ZNF804B: variants seen among roughly 807,000 people sequenced by gnomAD.
The protein encoded by ZNF804B is zinc finger 804B.
A neutral mutation model predicts 101.4 loss-of-function variants in ZNF804B; 80 were observed. The ratio of observed to expected loss-of-function variants is 0.79; its 90% CI spans 0.66 to 0.95. ZNF804B has a LOEUF of 0.95. ZNF804B is among the 40% of genes least tolerant of loss of function. ZNF804B has a pLI of 0.00. For missense variants in ZNF804B, 1,673 were observed against 1,561.9 expected, an observed-to-expected ratio of 1.07 and a Z score of -1.20; for synonymous variants, 622 against 558.8, an observed-to-expected ratio of 1.11 and a Z score of -1.59.
At chr7:89,162,743 C>T (rs1028173480) in intron 1 of ZNF804B, among the ~76,000 whole-genome samples, 11 of 149,792 alleles carry the variant, frequency 7.3e-5, no homozygotes, top group South Asian at 4.3e-4. Flanking sequence ...CATGCTGGTG[C>T]GCTGCACCCA....
chr7:89,244,420 C>T (rs568531140), intron 2 of ZNF804B, among the ~76,000 whole-genome samples: 14 of 152,108 alleles, frequency 9.2e-5, no homozygotes, highest in Non-Finnish European at 2.1e-4. Context: ...TGAAAAATCA[C>T]ATAAACACTT....
At chr7:88,789,605 A>G (rs902236289) in intron 1 of ZNF804B, among the ~76,000 whole-genome samples, 1 of 152,122 alleles carries the variant, frequency 6.6e-6, no homozygotes, top group African/African-American at 2.4e-5. Flanking sequence ...TTTACTACAT[A>G]CATCCTGTCC....
chr7:89,067,359 C>T (rs1304404548), intron 1 of ZNF804B, among the ~76,000 whole-genome samples: 2 of 152,164 alleles, frequency 1.3e-5, no homozygotes, highest in Admixed American at 6.5e-5. Flanking sequence ...TAGGCCCATC[C>T]AGGATAATCT....
rs149578394 is a variant in ZNF804B at position 88,953,689 on chromosome 7, A to G, written c.108+193605A>G. On this transcript the variant is annotated intron_variant, in intron 1 of 3. Transcript: ENST00000333190. ...TGAATGTGATTATTAGATAAGTTCC[A>G]GATCATAGAATCTTAAGATTCTTCT... Among the ~76,000 whole-genome samples the G allele has an allele frequency of 9.3e-4, 142 of 151,890 alleles. 1 individual carries two copies. Among genetic ancestry groups the G allele is most frequent in the African/African-American group, 3.0e-3 (126 of 41,520 alleles).
intron 1 of ZNF804B, among the ~76,000 whole-genome samples, chr7:88,841,191 G>A (rs554222500): frequency 9.5e-4 from 144 of 152,282 alleles, no homozygotes; most frequent in East Asian, 1.5e-3. Context: ...TAATAGGAAT[G>A]TCATTGTTTA....
At chr7:88,793,870 C>T (rs533850909) in intron 1 of ZNF804B, among the ~76,000 whole-genome samples, 29 of 151,948 alleles carry the variant, frequency 1.9e-4, no homozygotes, top group African/African-American at 5.8e-4. Context: ...ATCTGAATTC[C>T]GTTTGTCTTT....
intron 1 of ZNF804B, among the ~76,000 whole-genome samples, chr7:89,040,176 CTTTA>C (rs1369809342): frequency 6.6e-6 from 1 of 151,584 alleles, no homozygotes; most frequent in East Asian, 1.9e-4. Context: ...CTTTTTTATC[CTTTA>C]TTTCTTTTTC....
At chr7:88,807,696 A>G (rs1286655755) in intron 1 of ZNF804B, among the ~76,000 whole-genome samples, 1 of 152,166 alleles carries the variant, frequency 6.6e-6, no homozygotes. Flanking sequence ...TATACAATAC[A>G]AAAGGTCTCA....
intron 1 of ZNF804B, among the ~76,000 whole-genome samples, chr7:88,901,176 A>G (rs1363393881): frequency 6.6e-6 from 1 of 151,840 alleles, no homozygotes; most frequent in African/African-American, 2.4e-5. Context: ...TAAAATTATA[A>G]CTTAACAGTT....
intron 2 of ZNF804B, among the ~76,000 whole-genome samples, chr7:89,270,997 T>A (rs1014381670): frequency 6.6e-6 from 1 of 152,322 alleles, no homozygotes; most frequent in East Asian, 1.9e-4. Context: ...AGATATACAA[T>A]CATGTCATCT....
At chr7:89,260,359 A>T (rs1789693084) in intron 2 of ZNF804B, among the ~76,000 whole-genome samples, 1 of 150,986 alleles carries the variant, frequency 6.6e-6, no homozygotes, top group Non-Finnish European at 1.5e-5. Flanking sequence ...TTTTTTTTTG[A>T]ATAAGGTACT....
intron 2 of ZNF804B, among the ~76,000 whole-genome samples, chr7:89,231,824 A>G (rs1789196667): frequency 6.6e-6 from 1 of 152,040 alleles, no homozygotes; most frequent in South Asian, 2.1e-4. Context: ...TAGTTCTAGC[A>G]TCTTTTTTGT....
chr7:89,085,403 A>G (rs1392280774), intron 1 of ZNF804B, among the ~76,000 whole-genome samples: 2 of 151,928 alleles, frequency 1.3e-5, no homozygotes, highest in African/African-American at 4.8e-5. Context: ...TCCATAAGTA[A>G]GCCTGTTTTA....
intron 1 of ZNF804B, among the ~76,000 whole-genome samples, chr7:88,970,407 T>A (rs1793516018): frequency 6.7e-6 from 1 of 149,928 alleles, no homozygotes; most frequent in Non-Finnish European, 1.5e-5. Context: ...TGCCTCTGGA[T>A]CAAATGACAC....
At chr7:89,091,651 A>T (rs1789889593) in intron 1 of ZNF804B, among the ~76,000 whole-genome samples, 1 of 152,212 alleles carries the variant, frequency 6.6e-6, no homozygotes, top group Admixed American at 6.5e-5. Context: ...TCCCACAAAG[A>T]GCACAAATAA....
intron 2 of ZNF804B, among the ~76,000 whole-genome samples, chr7:89,245,697 A>C (rs945595086): frequency 1.3e-5 from 2 of 152,260 alleles, no homozygotes; most frequent in African/African-American, 2.4e-5. Context: ...ACAGTGCATA[A>C]ATATTAACTC....
chr7:89,159,014 C>G (rs960558860), intron 1 of ZNF804B, among the ~76,000 whole-genome samples: 1 of 152,090 alleles, frequency 6.6e-6, no homozygotes, highest in Non-Finnish European at 1.5e-5. Context: ...AACTGAATTT[C>G]ACATGCCTAG....
At chr7:88,947,016 C>T (rs1247748114) in intron 1 of ZNF804B, among the ~76,000 whole-genome samples, 1 of 151,974 alleles carries the variant, frequency 6.6e-6, no homozygotes, top group African/African-American at 2.4e-5. Context: ...CAGGAAGCAA[C>T]AGATGCTGGA....
At chr7:89,255,424 A>T (rs1789613223) in intron 2 of ZNF804B, among the ~76,000 whole-genome samples, 1 of 152,224 alleles carries the variant, frequency 6.6e-6, no homozygotes, top group Non-Finnish European at 1.5e-5. Context: ...ACAAGTAAAA[A>T]AATGGGACAA....
Sources: gnomAD v4.1 joint callset for allele counts (sites outside exome capture counted in the v4.1 genomes callset) on GRCh38, gnomAD v4.1.1 for gene constraint, MANE v1.5 for transcripts, NCBI Gene and HGNC (gene_info 2026-07-23, HGNC 2026-07-21) for gene names.